PKD1L1: variants seen among roughly 807,000 people sequenced by gnomAD.
The protein encoded by PKD1L1 is polycystin 1 like 1, transient receptor potential channel interacting.
In PKD1L1, 236 loss-of-function variants were observed where a neutral mutation model predicts 323.4. That is an observed-to-expected ratio of 0.73 (90% CI 0.66 to 0.81). PKD1L1 has a LOEUF of 0.81. PKD1L1 is among the 40% of genes least tolerant of loss of function. The pLI is 0.00. For synonymous variants in PKD1L1, 1,344 were observed against 1,335.0 expected (o/e 1.01, Z -0.15); for missense variants, 3,320 against 3,508.0 (o/e 0.95, Z 1.35).
chr7:47,853,289 C>G (rs1169364367), intron 30 of PKD1L1, 62 bp from the exon 31 acceptor site: 1 of 1,188,580 alleles, frequency 8.4e-7, no homozygotes, highest in Non-Finnish European at 1.3e-6. Flanking sequence ...AGGTTTTAGT[C>G]AAATTTCTAT....
chr7:47,867,055 C>A (rs1786184701), intron 24 of PKD1L1, among the ~76,000 whole-genome samples: 1 of 152,166 alleles, frequency 6.6e-6, no homozygotes, highest in Admixed American at 6.5e-5. Context: ...TACATGAGGT[C>A]AAAGGCCAGT....
In PKD1L1 at chr7:47,839,713, T is replaced by C. The variant is rs1785530824; in HGVS notation, c.5553-51A>G. The C allele has an allele frequency of 4.0e-6, 6 of 1,516,758 alleles. No homozygotes were observed. Among genetic ancestry groups the C allele is most frequent in the Non-Finnish European group, 4.5e-6 (5 of 1,120,308 alleles). 94.0% of individuals were successfully genotyped at this position (1,516,758 alleles called of 1,614,324 possible). On this transcript the variant is annotated intron_variant, in intron 35 of 56. Transcript: ENST00000289672. This position sits in a 1 kb window ranked among gnomAD's most constrained non-coding sequence, Gnocchi z 4.3. ...AGCCGGGTGGGTGACAGTGTGGTCC[T>C]GGCATCCCATCAGCCCCAATGCTCA...
intron 41 of PKD1L1, among the ~76,000 whole-genome samples, chr7:47,832,625 G>A (rs1785371085): frequency 6.6e-6 from 1 of 152,112 alleles, no homozygotes; most frequent in African/African-American, 2.4e-5. Flanking sequence ...GCCAGGCCAG[G>A]CCCACCACAG....
At chr7:47,876,817 T>C (rs1458440092) in intron 22 of PKD1L1, among the ~76,000 whole-genome samples, 1 of 152,082 alleles carries the variant, frequency 6.6e-6, no homozygotes, top group East Asian at 1.9e-4. Flanking sequence ...TCTCACACTG[T>C]CTCCCAGGCT....
At position 47,809,376 on chromosome 7, in the gene PKD1L1, T is replaced by C. The variant is rs1299369620; in HGVS notation, c.7686+97A>G. ...GAGAAAACTGCAATAATGTTGGCAG[T>C]AGCTAGTGCATAATCAATTTCTTAT... On this transcript the variant is annotated intron_variant, in intron 51 of 56. Transcript: ENST00000289672. 1.3e-5 allele frequency: 11 copies of C among 876,368 alleles called. No homozygotes were observed. The East Asian group carries it at 2.7e-4, about 21-fold the overall frequency. The allele number at this position is 876,368 out of a possible 1,614,324, so 54.3% of individuals were successfully genotyped here. A position where few individuals can be genotyped will look rare whatever the true frequency, so the allele number is the denominator to read the frequency against.
chr7:47,839,534 G>A lies in PKD1L1; in HGVS notation c.5681C>T (p.Pro1894Leu), dbSNP rs1409689965. The A allele has an allele frequency of 1.2e-6, 2 of 1,611,252 alleles. No homozygotes were observed. The highest frequency in any genetic ancestry group is 2.7e-5 in the African/African-American group (2 of 74,910). Residue 1894 changes from proline to leucine, a missense_variant, in exon 36 of 57, where the codon CCT becomes CTT. By Grantham distance (98) the Pro-to-Leu change is moderately conservative. Coordinates refer to ENST00000289672, the MANE Select transcript of PKD1L1 (RefSeq NM_138295.5). The surrounding 1 kb of genome is among the most constrained non-coding windows in gnomAD (Gnocchi z 4.3). ...GCCGGCAGACAGCCAGCACTGGGCA[G>A]GGAAGAACCAGCCCTGTCCCGTGTG... ...ELHTGQGWFF[P>L]AQCWLSAGRH... is the part of the protein sequence containing the mutation.
Position 47,866,471 on chromosome 7 carries a change from C to A in PKD1L1, c.4040G>T (p.Arg1347Leu), listed in dbSNP as rs79519739. ...TGAAGAAATTAATGCATCCTGTATT[C>A]GTGACCATTGGTTGCAGGAGGCAGT... ...DKTASCNQWS[R>L]IQDALISSVC... is the part of the protein sequence containing the mutation. The change falls in exon 25 of 57, where the codon CGA becomes CTA. Residue 1347 changes from arginine (R) to leucine (L), a missense_variant. Arg to Leu is a moderately radical substitution (Grantham distance 102). Transcript: ENST00000289672. The A allele has an allele frequency of 6.2e-6, 10 of 1,613,834 alleles. No individual in the cohort carries two copies. The highest frequency in any genetic ancestry group is 8.5e-6 in the Non-Finnish European group (10 of 1,179,906).
At chr7:47,905,428 G>T in intron 10 of PKD1L1, 103 bp from the exon 11 acceptor site, 1 of 1,277,744 alleles carries the variant, frequency 7.8e-7, no homozygotes, top group Non-Finnish European at 1.1e-6. Context: ...GGGCTTGAGT[G>T]ATGGTGAGGA....
chr7:47,951,353 AAAC>A (rs1199727032), upstream of PKD1L1, among the ~76,000 whole-genome samples: 1 of 152,210 alleles, frequency 6.6e-6, no homozygotes, highest in Non-Finnish European at 1.5e-5. Flanking sequence ...TCATTGTTTT[AAAC>A]AAAAGCCACC....
chr7:47,864,936 C>G (rs888220799), intron 26 of PKD1L1, among the ~76,000 whole-genome samples: 1 of 152,058 alleles, frequency 6.6e-6, no homozygotes, highest in Non-Finnish European at 1.5e-5. Flanking sequence ...CCATGTTGGT[C>G]AGGCTGGTCT....
At chr7:47,900,897 A>G (rs1562980831) in intron 13 of PKD1L1, among the ~76,000 whole-genome samples, 1 of 152,240 alleles carries the variant, frequency 6.6e-6, no homozygotes, top group African/African-American at 2.4e-5. Flanking sequence ...TCACACTGCA[A>G]CCCAGGTTTG....
intron 22 of PKD1L1, 48 bp downstream of exon 22, chr7:47,877,441 T>C (rs760004558): frequency 1.9e-6 from 3 of 1,604,388 alleles, no homozygotes; most frequent in Admixed American, 1.7e-5. Context: ...GACTGCCAGA[T>C]GCCACTGTCG....
intron 43 of PKD1L1, 122 bp downstream of exon 43, chr7:47,829,918 C>A: frequency 1.1e-6 from 1 of 949,466 alleles, no homozygotes. Context: ...TTCTCTCCAA[C>A]CACAGCTGAA....
At chr7:47,836,643 G>A (rs537491055) in intron 37 of PKD1L1, among the ~76,000 whole-genome samples, 1 of 152,348 alleles carries the variant, frequency 6.6e-6, no homozygotes, top group Non-Finnish European at 1.5e-5. Context: ...ACAACCGGCT[G>A]CCAGCCTCTC....
chr7:47,807,218 C>A (rs1029527438), intron 52 of PKD1L1, among the ~76,000 whole-genome samples: 7 of 152,150 alleles, frequency 4.6e-5, no homozygotes, highest in African/African-American at 1.4e-4. Flanking sequence ...CCTTTAGAAC[C>A]TGTTTCTTTC....
At chr7:47,812,930 C>G (rs1460715755) in intron 49 of PKD1L1, among the ~76,000 whole-genome samples, 191 bp downstream of exon 49, 1 of 152,258 alleles carries the variant, frequency 6.6e-6, no homozygotes, top group East Asian at 1.9e-4. Context: ...CACGTGGAGG[C>G]CTGAGCCTGT....
intron 3 of PKD1L1, among the ~76,000 whole-genome samples, chr7:47,937,980 T>A (rs1195736481): frequency 6.6e-6 from 1 of 152,100 alleles, no homozygotes; most frequent in Non-Finnish European, 1.5e-5. Flanking sequence ...ACTTTTGGCC[T>A]ACGGGAAGCT....
chr7:47,800,635 A>T lies in PKD1L1; in HGVS notation c.8193+14T>A. The stretch of plus-strand genomic sequence containing the variant: ...ACAAACCATAACTTGAAAGTTGGGG[A>T]TGTGTTTACTTACCATTCCAAAACA... On this transcript the variant is annotated intron_variant, in intron 54 of 56. Transcript: ENST00000289672. The T allele has an allele frequency of 6.2e-7, 1 of 1,606,890 alleles. No homozygotes were observed. Among genetic ancestry groups the T allele is most frequent in the Non-Finnish European group, 8.5e-7 (1 of 1,173,520 alleles).
In PKD1L1 at chr7:47,792,695, T is replaced by C; in HGVS notation, c.8458A>G (p.Asn2820Asp). Residue 2820 changes from asparagine to aspartate, a missense_variant, in exon 56 of 57, where the codon AAC becomes GAC. Asn to Asp is a conservative substitution (Grantham distance 23). Transcript: ENST00000289672. ...TCTGTCCTTGCCTCCCCTGTGTTGT[T>C]GGATGTTTTTTCCAGAAGGGGGAGT... ...LQLPLLEKTSNNTGEARTEES... is the reference protein window; with the variant it reads ...LQLPLLEKTSDNTGEARTEES... 1.2e-6 allele frequency: 2 copies of C among 1,614,130 alleles called. No homozygotes were observed. Among genetic ancestry groups the C allele is most frequent in the Non-Finnish European group, 1.7e-6 (2 of 1,179,980 alleles).
Sources: gnomAD v4.1 joint callset for allele counts (sites outside exome capture counted in the v4.1 genomes callset) on GRCh38, gnomAD v4.1.1 for gene constraint, Gnocchi (gnomAD v3.1) non-coding constraint, MANE v1.5 for transcripts, NCBI Gene and HGNC (gene_info 2026-07-23, HGNC 2026-07-21) for gene names.